The following SGCD variants were observed in gnomAD, a reference collection of about 807,000 sequenced individuals.
SGCD encodes sarcoglycan delta, also known as delta-sarcoglycan.
SGCD carries 18 observed loss-of-function variants against 36.6 expected under a neutral mutation model. That is an observed-to-expected ratio of 0.49 (90% CI 0.34 to 0.73). The LOEUF (loss-of-function observed/expected upper bound fraction) is 0.73, where lower values mean the gene tolerates loss of function less well. Among genes scored for constraint, SGCD ranks in the 30% least tolerant of loss-of-function variants. The pLI is 0.01. For synonymous variants in SGCD, 133 were observed against 130.6 expected, an observed-to-expected ratio of 1.02 and a Z score of -0.12; for missense variants, 387 against 346.7, an observed-to-expected ratio of 1.12 and a Z score of -0.92.
chr5:156,325,082 G>C (rs891734252), upstream of SGCD, among the ~76,000 whole-genome samples: 1 of 152,108 alleles, frequency 6.6e-6, no homozygotes, highest in Non-Finnish European at 1.5e-5. Context: ...TCATGTAACT[G>C]ACTGCAGATT....
chr5:156,702,467 A>G (rs1380027322), intron 7 of SGCD, among the ~76,000 whole-genome samples: 1 of 152,144 alleles, frequency 6.6e-6, no homozygotes, highest in East Asian at 1.9e-4. Flanking sequence ...ATCCTCAAAC[A>G]TACTCAGGGC....
chr5:156,605,480 G>C (rs1053480395), intron 6 of SGCD, among the ~76,000 whole-genome samples: 3 of 152,172 alleles, frequency 2.0e-5, no homozygotes, highest in African/African-American at 7.2e-5. Context: ...CCAAGGCTTT[G>C]CTAGTGTGAA....
At chr5:155,938,490 C>T (rs528214180) in intron 1 of SGCD, among the ~76,000 whole-genome samples, 168 of 152,312 alleles carry the variant, frequency 1.1e-3, no homozygotes, top group Middle Eastern at 3.4e-3. Flanking sequence ...TTTCATTAAT[C>T]ACCCTGTCCT....
chr5:155,935,820 C>T (rs1451701666), intron 1 of SGCD, among the ~76,000 whole-genome samples: 1 of 152,190 alleles, frequency 6.6e-6, no homozygotes, highest in Non-Finnish European at 1.5e-5. Flanking sequence ...GCACTTGGCT[C>T]ACGCTACCAG....
At chr5:156,716,081 A>G (rs561917465) in intron 7 of SGCD, among the ~76,000 whole-genome samples, 1 of 152,308 alleles carries the variant, frequency 6.6e-6, no homozygotes, top group East Asian at 1.9e-4. Context: ...AAAAATTTGC[A>G]AGACAGCCTT....
chr5:156,214,084 A>T (rs1764515940), intron 3 of SGCD, among the ~76,000 whole-genome samples: 2 of 151,980 alleles, frequency 1.3e-5, no homozygotes, highest in African/African-American at 4.8e-5. Context: ...TATTCAAAAT[A>T]AGATTGGAAG....
chr5:156,438,592 G>C (rs898435694), intron 3 of SGCD, among the ~76,000 whole-genome samples: 3 of 152,066 alleles, frequency 2.0e-5, no homozygotes, highest in African/African-American at 7.2e-5. Flanking sequence ...AGCTCATGCT[G>C]TTCTCTCCTG....
chr5:156,285,013 T>C (rs1766555610), intron 3 of SGCD, among the ~76,000 whole-genome samples: 1 of 152,154 alleles, frequency 6.6e-6, no homozygotes, highest in Admixed American at 6.5e-5. Context: ...ATCACAAGCA[T>C]TCTTATACAC....
chr5:155,976,329 T>C (rs1317610574), intron 1 of SGCD, among the ~76,000 whole-genome samples: 1 of 152,182 alleles, frequency 6.6e-6, no homozygotes, highest in Non-Finnish European at 1.5e-5. Flanking sequence ...ATTTTGGATG[T>C]TTGAAATACT....
intron 1 of SGCD, among the ~76,000 whole-genome samples, chr5:155,997,613 A>G (rs1182400548): frequency 2.0e-5 from 3 of 152,268 alleles, no homozygotes; most frequent in African/African-American, 7.2e-5. Context: ...CTTTTGCCAG[A>G]GAATTTGTTC....
intron 3 of SGCD, among the ~76,000 whole-genome samples, chr5:156,364,210 T>A (rs10036928): frequency 6.6e-6 from 1 of 152,054 alleles, no homozygotes; most frequent in East Asian, 1.9e-4. Context: ...GACTTTAAAG[T>A]GACTTTTCCC....
the SGCD span, among the ~76,000 whole-genome samples, chr5:155,733,091 G>C: frequency 6.7e-6 from 1 of 150,224 alleles, no homozygotes; most frequent in Non-Finnish European, 1.5e-5. Context: ...CGGTGCATGA[G>C]TGTCGGCATT....
chr5:156,456,369 T>TGA (rs1457634648), intron 3 of SGCD, among the ~76,000 whole-genome samples: 1 of 152,108 alleles, frequency 6.6e-6, no homozygotes, highest in Non-Finnish European at 1.5e-5. Flanking sequence ...ACTAGAGATG[T>TGA]GAATAATAAA....
chr5:155,826,674 A>C, the SGCD span, among the ~76,000 whole-genome samples: 1 of 152,198 alleles, frequency 6.6e-6, no homozygotes, highest in East Asian at 1.9e-4. Context: ...ACTTTATTTG[A>C]AGAACCCTAA....
intron 4 of SGCD, among the ~76,000 whole-genome samples, chr5:156,548,103 A>T (rs181681901): frequency 6.6e-4 from 100 of 152,360 alleles, no homozygotes; most frequent in Non-Finnish European, 1.2e-3. Flanking sequence ...TAGTAGGCAC[A>T]TAGCCTGAGT....
At position 156,523,278 on chromosome 5, in the gene SGCD, A is replaced by G. The variant is rs191787480; in HGVS notation, c.294+14576A>G. 3.3e-5 allele frequency among the ~76,000 whole-genome samples: 5 copies of G among 152,262 alleles called. No homozygotes were observed. The South Asian group carries it at 8.3e-4, about 25-fold the overall frequency. On this transcript the variant is annotated intron_variant, in intron 4 of 8. Coordinates refer to ENST00000337851, the MANE Select transcript of SGCD (RefSeq NM_000337.6). ...TATGTTTAGTGTGACAAGTGGTTACACGTGGCAATTTCCCTCTCATGAGGA... is the reference window on the plus strand; with the variant it reads ...TATGTTTAGTGTGACAAGTGGTTACGCGTGGCAATTTCCCTCTCATGAGGA...
chr5:156,186,653 T>C (rs1561556088), intron 3 of SGCD, among the ~76,000 whole-genome samples: 1 of 152,216 alleles, frequency 6.6e-6, no homozygotes, highest in Non-Finnish European at 1.5e-5. Context: ...CCTGGAGTTA[T>C]GCTGCTTTCT....
intron 1 of SGCD, among the ~76,000 whole-genome samples, chr5:156,078,057 T>A (rs188478135): frequency 6.6e-6 from 1 of 152,184 alleles, no homozygotes; most frequent in African/African-American, 2.4e-5. Context: ...GAATCCCTTC[T>A]TTTTGTTATC....
At position 156,093,032 on chromosome 5, in the gene SGCD, G is replaced by A. The variant is rs554143523; in HGVS notation, c.-281-24846G>A. 5.9e-5 allele frequency among the ~76,000 whole-genome samples: 9 copies of A among 152,292 alleles called. No individual in the cohort carries two copies. The East Asian group carries it at 7.7e-4, about 13-fold the overall frequency. ...CCTGTGGGGAAATTTTAATTGGCTC[G>A]GAGAGATTTAAGGGAGCCTCCAGAT... is the stretch of plus-strand genomic sequence containing the variant. On this transcript the variant is annotated intron_variant, in intron 1 of 9. Coordinates refer to the SGCD transcript ENST00000517913.
Sources: allele counts gnomAD v4.1 joint callset (sites outside exome capture counted in the v4.1 genomes callset), GRCh38; gene constraint gnomAD v4.1.1; transcripts MANE v1.5; gene names NCBI Gene and HGNC (gene_info 2026-07-23, HGNC 2026-07-21).